Variants in MYO1E observed in about 807,000 individuals in gnomAD.
MYO1E encodes myosin IE, also known as unconventional myosin-Ie.
In MYO1E, 68 loss-of-function variants were observed where a neutral mutation model predicts 151.1. That is an observed-to-expected ratio of 0.45 (90% CI 0.37 to 0.55). MYO1E has a LOEUF of 0.55. Ranked by LOEUF, MYO1E falls within the 20% of genes least tolerant of loss-of-function variation. MYO1E has a pLI of 0.00. For missense variants in MYO1E, 1,363 were observed against 1,389.3 expected (o/e 0.98, Z 0.30); for synonymous variants, 601 against 501.7 (o/e 1.20, Z -2.64).
At chr15:59,266,303 G>A (rs1314453581) in intron 2 of MYO1E, among the ~76,000 whole-genome samples, 4 of 152,152 alleles carry the variant, frequency 2.6e-5, no homozygotes, top group Non-Finnish European at 5.9e-5. Context: ...TGGTGAAGGT[G>A]TGGCCTAAGG....
intron 1 of MYO1E, among the ~76,000 whole-genome samples, chr15:59,326,286 G>A (rs548592807): frequency 5.3e-5 from 8 of 152,206 alleles, no homozygotes; most frequent in South Asian, 2.1e-4. Flanking sequence ...TTGGGAGGCC[G>A]AGGCAGGCAG....
chr15:59,133,044 C>G lies in MYO1E; in HGVS notation c.*4336G>C, dbSNP rs1227133188. 6.6e-6 allele frequency: 1 copy of G among 152,192 alleles called. No individual in the cohort carries two copies. Among genetic ancestry groups the G allele is most frequent in the Non-Finnish European group, 1.5e-5 (1 of 68,040 alleles). 9.4% of individuals were successfully genotyped at this position (152,192 alleles called of 1,614,324 possible). ...GAAGTTGAAAGGCTGACACAGTAGA[C>G]CATCACATTACTAAATATCTGTTGA... On this transcript the variant is annotated 3_prime_UTR_variant, in exon 28 of 28. Transcript: ENST00000288235.
chr15:59,158,189 G>A, intron 25 of MYO1E, 98 bp downstream of exon 25: 1 of 1,033,626 alleles, frequency 9.7e-7, no homozygotes, highest in Non-Finnish European at 1.5e-6. Flanking sequence ...TGGTTAATAT[G>A]TGTGCATTGA....
chr15:59,167,860 G>C (rs1290069990), intron 22 of MYO1E, among the ~76,000 whole-genome samples: 1 of 152,034 alleles, frequency 6.6e-6, no homozygotes, highest in African/African-American at 2.4e-5. Context: ...TGTATTTTTA[G>C]TAGAGAGGGG....
chr15:59,247,014 A>G (rs2080134409), intron 4 of MYO1E, among the ~76,000 whole-genome samples: 1 of 152,082 alleles, frequency 6.6e-6, no homozygotes, highest in South Asian at 2.1e-4. Flanking sequence ...TGGGCAACAT[A>G]AGAAGACCCT....
At chr15:59,161,422 C>T (rs1306265040) in intron 23 of MYO1E, among the ~76,000 whole-genome samples, 192 bp from the exon 24 acceptor site, 1 of 152,152 alleles carries the variant, frequency 6.6e-6, no homozygotes, top group African/African-American at 2.4e-5. Flanking sequence ...TGACAATGAG[C>T]CAGAAAAAGG....
At chr15:59,287,464 T>A (rs1402946136) in intron 1 of MYO1E, among the ~76,000 whole-genome samples, 3 of 152,224 alleles carry the variant, frequency 2.0e-5, no homozygotes, top group Non-Finnish European at 2.9e-5. Flanking sequence ...TCAGCACGGC[T>A]TCACTGATCT....
rs34819314 is a variant in MYO1E, at chr15:59,253,901, C to CTTTTTTTTTTTTTTTTTTTTTTTTTT, written c.332+2382_332+2383insAAAAAAAAAAAAAAAAAAAAAAAAAA. On this transcript the variant is annotated intron_variant, in intron 4 of 27. Transcript: ENST00000288235. ...TAGTAAGATCTACAGGACAAACAAC[C>CTTTTTTTTTTTTTTTTTTTTTTTTTT]TTTTTTTTTTTTTTTTAACAAAGCC... is the stretch of plus-strand genomic sequence containing the variant. Among the ~76,000 whole-genome samples the CTTTTTTTTTTTTTTTTTTTTTTTTTT allele has an allele frequency of 6.8e-4, 92 of 135,806 alleles. 1 individual carries two copies. Among genetic ancestry groups the CTTTTTTTTTTTTTTTTTTTTTTTTTT allele is most frequent in the Non-Finnish European group, 1.0e-3 (65 of 62,568 alleles). 89.1% of individuals were successfully genotyped at this position (135,806 alleles called of 152,430 possible). A position where few individuals can be genotyped will look rare whatever the true frequency, so the allele number is the denominator to read the frequency against.
chr15:59,283,664 A>G (rs1012833794), intron 1 of MYO1E, among the ~76,000 whole-genome samples: 1 of 152,232 alleles, frequency 6.6e-6, no homozygotes, highest in African/African-American at 2.4e-5. Context: ...AGCATTTTAC[A>G]TATAACTTAT....
intron 5 of MYO1E, 30 bp from the exon 6 acceptor site, chr15:59,231,821 A>C (rs1396894451): frequency 6.2e-7 from 1 of 1,606,170 alleles, no homozygotes; most frequent in Non-Finnish European, 8.5e-7. Context: ...GGAGGTTAGG[A>C]AGGTGTGAAC....
intron 1 of MYO1E, among the ~76,000 whole-genome samples, chr15:59,285,735 G>C (rs2080384125): frequency 6.6e-6 from 1 of 152,100 alleles, no homozygotes; most frequent in African/African-American, 2.4e-5. Flanking sequence ...AAATTTTTAA[G>C]AAAAAGAAAA....
intron 1 of MYO1E, among the ~76,000 whole-genome samples, chr15:59,353,429 A>G (rs1252225490): frequency 2.6e-5 from 4 of 151,618 alleles, no homozygotes. Context: ...TACAACACGA[A>G]CCAGAATAGT....
chr15:59,369,657 A>T (rs1341476525), intron 1 of MYO1E, among the ~76,000 whole-genome samples: 2 of 152,184 alleles, frequency 1.3e-5, no homozygotes, highest in African/African-American at 4.8e-5. Flanking sequence ...AAAAAGACAC[A>T]AGTAACTATT....
intron 1 of MYO1E, among the ~76,000 whole-genome samples, chr15:59,347,266 G>C (rs1253328980): frequency 6.6e-6 from 1 of 152,170 alleles, no homozygotes; most frequent in Non-Finnish European, 1.5e-5. Flanking sequence ...CAGGATCCAG[G>C]CTGCGCGCTT....
chr15:59,215,743 T>C (rs964986396), intron 10 of MYO1E, among the ~76,000 whole-genome samples: 9 of 152,180 alleles, frequency 5.9e-5, no homozygotes, highest in African/African-American at 1.4e-4. Flanking sequence ...GGATCACTTA[T>C]ATGAGTATTC....
chr15:59,239,519 T>C (rs1484923559), intron 4 of MYO1E, among the ~76,000 whole-genome samples: 1 of 151,910 alleles, frequency 6.6e-6, no homozygotes, highest in Admixed American at 6.6e-5. Context: ...AAAAGAATTA[T>C]AAAAGGACAG....
intron 18 of MYO1E, among the ~76,000 whole-genome samples, chr15:59,186,813 A>G (rs1369312731): frequency 1.3e-5 from 2 of 152,242 alleles, no homozygotes; most frequent in South Asian, 2.1e-4. Context: ...CTTCAAGGAA[A>G]TTAAATAGAT....
chr15:59,157,012 T>G (rs538569505), intron 25 of MYO1E, among the ~76,000 whole-genome samples: 1 of 151,882 alleles, frequency 6.6e-6, no homozygotes, highest in Non-Finnish European at 1.5e-5. Context: ...TGCTTGAACC[T>G]AGGAGTTCAA....
chr15:59,236,369 T>TATACAC (rs1392466770), intron 5 of MYO1E, among the ~76,000 whole-genome samples: 4 of 117,736 alleles, frequency 3.4e-5, no homozygotes, highest in African/African-American at 1.3e-4. Context: ...AAAAAATATA[T>TATACAC]ACACACACAC....
Sources: gnomAD v4.1 joint callset for allele counts (sites outside exome capture counted in the v4.1 genomes callset) on GRCh38, gnomAD v4.1.1 for gene constraint, MANE v1.5 for transcripts, NCBI Gene and HGNC (gene_info 2026-07-23, HGNC 2026-07-21) for gene names.